Variants in ARHGAP24 observed in about 807,000 individuals in gnomAD.
The protein encoded by ARHGAP24 is Rho GTPase activating protein 24.
Under a neutral mutation model 76.4 loss-of-function variants are expected in ARHGAP24, and 50 were observed. The ratio of observed to expected loss-of-function variants is 0.65; its 90% CI spans 0.52 to 0.83. The LOEUF (loss-of-function observed/expected upper bound fraction) is 0.83. ARHGAP24 is among the 40% of genes least tolerant of loss of function. ARHGAP24 has a pLI of 0.00. For synonymous variants in ARHGAP24, 345 were observed against 323.3 expected (o/e 1.07, Z -0.72); for missense variants, 930 against 914.2 (o/e 1.02, Z -0.22).
In ARHGAP24 at chr4:85,561,208, C is replaced by G. The variant is rs188724956; in HGVS notation, c.-20-9314C>G. 1.4e-3 allele frequency among the ~76,000 whole-genome samples: 206 copies of G among 152,216 alleles called. 1 individual carries two copies. Among genetic ancestry groups the G allele is most frequent in the Non-Finnish European group, 2.4e-3 (164 of 68,002 alleles). ...CGGGGTGGTGGTGGCACCAGGGAAG[C>G]CTTTGTAGAAGACCTGAAGGATAAA... On this transcript the variant is annotated intron_variant, in intron 1 of 9. Transcript: ENST00000395184.
chr4:85,540,993 A>ATATATTAAGCTCAG (rs1475373103), intron 1 of ARHGAP24, among the ~76,000 whole-genome samples: 1 of 152,048 alleles, frequency 6.6e-6, no homozygotes, highest in Admixed American at 6.6e-5. Flanking sequence ...ATATTATAAT[A>ATATATTAAGCTCAG]GATTTAGGTT....
intron 3 of ARHGAP24, among the ~76,000 whole-genome samples, chr4:85,788,737 C>T (rs1274089890): frequency 6.6e-6 from 1 of 152,118 alleles, no homozygotes; most frequent in Admixed American, 6.6e-5. Context: ...ATAAATCACT[C>T]AAAAGGATTG....
rs1381783804 is a variant in ARHGAP24 at position 85,838,420 on chromosome 4, AC to A, written c.269-85224del. ...AAACCATCCTGGCTAACACAGTGAA[AC>A]CCCATCTCTACTAAAAATACAAAAG... On this transcript the variant is annotated intron_variant, in intron 3 of 9. Transcript: ENST00000395184. Among the ~76,000 whole-genome samples, 15 of 152,284 alleles carry A rather than the reference AC, an allele frequency of 9.9e-5. No homozygotes were observed. The East Asian group carries it at 2.9e-3, about 29-fold the overall frequency.
At chr4:85,504,779 T>C (rs960673865) in intron 1 of ARHGAP24, among the ~76,000 whole-genome samples, 1 of 152,216 alleles carries the variant, frequency 6.6e-6, no homozygotes, top group Non-Finnish European at 1.5e-5. Context: ...TAGCTGATTA[T>C]TTTGCCTGTT....
At chr4:85,683,649 C>T (rs1319804179) in intron 2 of ARHGAP24, among the ~76,000 whole-genome samples, 3 of 142,612 alleles carry the variant, frequency 2.1e-5, no homozygotes, top group Non-Finnish European at 4.6e-5. Context: ...GAGATCTACC[C>T]TCTTAAATTT....
intron 3 of ARHGAP24, among the ~76,000 whole-genome samples, chr4:85,859,726 T>C (rs1388487776): frequency 6.6e-6 from 1 of 152,164 alleles, no homozygotes; most frequent in Non-Finnish European, 1.5e-5. Context: ...TTCTTCCATC[T>C]GGCTGTAGTC....
At chr4:85,822,037 A>G (rs868173132) in intron 3 of ARHGAP24, among the ~76,000 whole-genome samples, 1 of 152,318 alleles carries the variant, frequency 6.6e-6, no homozygotes, top group Middle Eastern at 3.4e-3. Context: ...TGAACTTACA[A>G]TTTCATTTGT....
At chr4:85,680,704 A>C (rs1420389043) in intron 2 of ARHGAP24, among the ~76,000 whole-genome samples, 3 of 151,516 alleles carry the variant, frequency 2.0e-5, no homozygotes, top group Non-Finnish European at 4.4e-5. Context: ...TAAAAAATGA[A>C]AATATTCTGA....
intron 2 of ARHGAP24, among the ~76,000 whole-genome samples, chr4:85,638,564 T>G (rs1286309490): frequency 6.6e-6 from 1 of 152,182 alleles, no homozygotes; most frequent in East Asian, 1.9e-4. Context: ...CTGTATATTC[T>G]TGCCTTTTTT....
chr4:85,801,111 T>A (rs1030942347), intron 3 of ARHGAP24, among the ~76,000 whole-genome samples: 1 of 152,190 alleles, frequency 6.6e-6, no homozygotes. Flanking sequence ...AAACTATCTA[T>A]AGTTTTATAT....
chr4:85,991,973 A>T (rs924814852), intron 8 of ARHGAP24: 2 of 392,138 alleles, frequency 5.1e-6, no homozygotes, highest in Non-Finnish European at 9.0e-6. Context: ...TTTTTAGCCA[A>T]TGCTTATGAT....
intron 3 of ARHGAP24, among the ~76,000 whole-genome samples, chr4:85,781,258 G>A (rs759896799): frequency 8.5e-5 from 13 of 152,140 alleles, no homozygotes; most frequent in Admixed American, 1.3e-4. Flanking sequence ...TATAAACCAT[G>A]TACAATGAAT....
chr4:85,530,813 CAAAAT>C (rs1436764719), intron 1 of ARHGAP24, among the ~76,000 whole-genome samples: 3 of 151,934 alleles, frequency 2.0e-5, no homozygotes, highest in Non-Finnish European at 4.4e-5. Flanking sequence ...AATTCATTCT[CAAAAT>C]AAAGACAGAG....
chr4:85,488,880 C>A (rs1448207054), intron 1 of ARHGAP24, among the ~76,000 whole-genome samples: 1 of 152,172 alleles, frequency 6.6e-6, no homozygotes, highest in Non-Finnish European at 1.5e-5. Flanking sequence ...TAATTAACAT[C>A]TTTGAAAGCA....
At chr4:85,598,821 C>T (rs1442625161) in intron 2 of ARHGAP24, among the ~76,000 whole-genome samples, 1 of 150,106 alleles carries the variant, frequency 6.7e-6, no homozygotes, top group Non-Finnish European at 1.5e-5. Context: ...ACTCAAGTTG[C>T]CTAATAGAAG....
intron 3 of ARHGAP24, chr4:85,828,022 T>C: frequency 8.0e-7 from 1 of 1,253,642 alleles, no homozygotes; most frequent in Non-Finnish European, 1.0e-6. Context: ...AATTGCCAGG[T>C]ATTGTTGTTG....
chr4:85,475,779 T>G (rs1339826822), intron 1 of ARHGAP24, among the ~76,000 whole-genome samples: 4 of 147,594 alleles, frequency 2.7e-5, no homozygotes, highest in Admixed American at 1.3e-4. Flanking sequence ...CTGTCTGTGT[T>G]TGTGTGTGTG....
intron 1 of ARHGAP24, among the ~76,000 whole-genome samples, chr4:85,509,093 G>T (rs1724174582): frequency 6.8e-6 from 1 of 147,294 alleles, no homozygotes. Flanking sequence ...ACTATCGCAA[G>T]AACAAAAAAC....
chr4:85,584,701 C>T (rs1472988438), intron 2 of ARHGAP24, among the ~76,000 whole-genome samples: 3 of 152,024 alleles, frequency 2.0e-5, no homozygotes, highest in African/African-American at 7.2e-5. Flanking sequence ...AATAAATATT[C>T]TGTAGATATG....
Sources: gnomAD v4.1 joint callset for allele counts (sites outside exome capture counted in the v4.1 genomes callset) on GRCh38, gnomAD v4.1.1 for gene constraint, MANE v1.5 for transcripts, NCBI Gene and HGNC (gene_info 2026-07-23, HGNC 2026-07-21) for gene names.